TLCD4: variants seen among roughly 807,000 people sequenced by gnomAD.
The protein encoded by TLCD4 is TLC domain containing 4.
TLCD4 carries 7 observed loss-of-function variants against 24.2 expected under a neutral mutation model. The observed-to-expected ratio is 0.29, with a 90% CI of 0.16 to 0.54. The LOEUF (loss-of-function observed/expected upper bound fraction) is 0.54, where lower values mean the gene tolerates loss of function less well. Among genes scored for constraint, TLCD4 ranks in the 20% least tolerant of loss-of-function variants. The pLI, the probability that TLCD4 is intolerant of heterozygous loss-of-function variation, is 0.95. For missense variants in TLCD4, 259 were observed against 313.9 expected (o/e 0.82, Z 1.32); for synonymous variants, 103 against 106.4 (o/e 0.97, Z 0.20).
chr1:95,186,306 C>A (rs1678829052), intron 6 of TLCD4, among the ~76,000 whole-genome samples: 1 of 152,206 alleles, frequency 6.6e-6, no homozygotes, highest in Non-Finnish European at 1.5e-5. Flanking sequence ...GACTGCAGAG[C>A]ACCCTAGCTA....
rs1275149663 is a variant in TLCD4 at position 95,194,850 on chromosome 1, T to C, written c.*2982T>C. The C allele has an allele frequency of 6.6e-6, 1 of 152,160 alleles. No individual in the cohort carries two copies. Among genetic ancestry groups the C allele is most frequent in the Non-Finnish European group, 1.5e-5 (1 of 68,000 alleles). The allele number at this position is 152,160 out of a possible 1,614,324, so 9.4% of individuals were successfully genotyped here. A position where few individuals can be genotyped will look rare whatever the true frequency, so the allele number is the denominator to read the frequency against. On this transcript the variant is annotated 3_prime_UTR_variant, in exon 7 of 7. Coordinates refer to ENST00000370203, the MANE Select transcript of TLCD4 (RefSeq NM_152487.3). ...TTTTAAAGGATTATTTGCATTTATG[T>C]AAAACTGGAAATGAAGTTATATATG...
intron 1 of TLCD4, chr1:95,121,110 A>G (rs938823645): frequency 3.3e-5 from 5 of 152,228 alleles, no homozygotes; most frequent in African/African-American, 1.2e-4. Context: ...GGGACTTTCC[A>G]CCAGTTCTAC....
the TLCD4 span, among the ~76,000 whole-genome samples, chr1:95,112,222 C>G: frequency 1.1e-4 from 16 of 152,202 alleles, no homozygotes; most frequent in Admixed American, 3.9e-4. Context: ...TCAACCTTCT[C>G]CTCCTTCTGC....
intron 1 of TLCD4, among the ~76,000 whole-genome samples, chr1:95,137,253 T>C (rs1677069893): frequency 6.6e-6 from 1 of 152,088 alleles, no homozygotes; most frequent in South Asian, 2.1e-4. Context: ...TTGGAGTCAA[T>C]GTGGGAAATA....
intron 5 of TLCD4, among the ~76,000 whole-genome samples, chr1:95,166,348 T>C (rs1371811076): frequency 6.6e-6 from 1 of 152,228 alleles, no homozygotes; most frequent in African/African-American, 2.4e-5. Context: ...ATGAAATATA[T>C]TATAGTTGTG....
chr1:95,146,185 A>C (rs1440080898), intron 2 of TLCD4, among the ~76,000 whole-genome samples: 1 of 152,034 alleles, frequency 6.6e-6, no homozygotes, highest in East Asian at 1.9e-4. Context: ...AGGAGAAAAA[A>C]TCACTGGAAA....
At chr1:95,130,273 C>T (rs980658080) in intron 1 of TLCD4, among the ~76,000 whole-genome samples, 1 of 152,168 alleles carries the variant, frequency 6.6e-6, no homozygotes, top group Non-Finnish European at 1.5e-5. Context: ...CTGTCTCAGC[C>T]TTCCGAGCAG....
intron 5 of TLCD4, among the ~76,000 whole-genome samples, chr1:95,173,499 A>G (rs886506368): frequency 1.3e-5 from 2 of 152,186 alleles, no homozygotes; most frequent in African/African-American, 4.8e-5. Context: ...TGAAAATGCC[A>G]TTACTAATGG....
intron 5 of TLCD4, among the ~76,000 whole-genome samples, chr1:95,151,646 C>T (rs1677494407): frequency 6.6e-6 from 1 of 152,064 alleles, no homozygotes; most frequent in Non-Finnish European, 1.5e-5. Flanking sequence ...GATTTTGAGA[C>T]AGACAAATGA....
At chr1:95,105,424 T>C in the TLCD4 span, among the ~76,000 whole-genome samples, 4 of 152,206 alleles carry the variant, frequency 2.6e-5, no homozygotes, top group Non-Finnish European at 5.9e-5. Flanking sequence ...AGACTTAGAA[T>C]TGTACTTTGG....
chr1:95,110,546 C>A, the TLCD4 span, among the ~76,000 whole-genome samples: 3 of 151,756 alleles, frequency 2.0e-5, no homozygotes, highest in African/African-American at 7.3e-5. Context: ...GAAATAAAAC[C>A]GAAAGTATAT....
intron 3 of TLCD4, 100 bp downstream of exon 3, chr1:95,148,891 C>A: frequency 1.5e-6 from 2 of 1,378,748 alleles, no homozygotes; most frequent in South Asian, 1.5e-5. Context: ...ACATATTGAT[C>A]GTATATGCCT....
chr1:95,098,131 A>G, the TLCD4 span, among the ~76,000 whole-genome samples: 3 of 152,210 alleles, frequency 2.0e-5, no homozygotes, highest in African/African-American at 7.2e-5. Context: ...TTTAGGCCTC[A>G]TAATAGCCCT....
intron 1 of TLCD4, 61 bp from the exon 2 acceptor site, chr1:95,143,829 TA>T (rs1180466033): frequency 1.6e-5 from 21 of 1,298,906 alleles, no homozygotes; most frequent in African/African-American, 7.6e-5. Flanking sequence ...TTTCTTAAAA[TA>T]AAAAAATTAC....
At chr1:95,120,626 GC>G (rs893190473) in intron 1 of TLCD4, among the ~76,000 whole-genome samples, 2 of 152,226 alleles carry the variant, frequency 1.3e-5, no homozygotes, top group African/African-American at 4.8e-5. Context: ...CAGAGCTTGA[GC>G]CAGCACTGGA....
chr1:95,171,909 A>G (rs1678242914), intron 5 of TLCD4, among the ~76,000 whole-genome samples: 1 of 152,164 alleles, frequency 6.6e-6, no homozygotes, highest in African/African-American at 2.4e-5. Flanking sequence ...AGTTTGTATT[A>G]AAATATGGTG....
intron 2 of TLCD4, among the ~76,000 whole-genome samples, chr1:95,145,555 T>G (rs1677320823): frequency 6.6e-6 from 1 of 152,212 alleles, no homozygotes. Flanking sequence ...ATTGTTCAAA[T>G]GCATTATACT....
chr1:95,131,045 A>G (rs753216067), intron 1 of TLCD4, among the ~76,000 whole-genome samples: 1 of 152,220 alleles, frequency 6.6e-6, no homozygotes, highest in African/African-American at 2.4e-5. Flanking sequence ...TATGTCTGTT[A>G]TTATAACTGT....
chr1:95,148,974 G>C (rs532909399), intron 3 of TLCD4, among the ~76,000 whole-genome samples, 183 bp downstream of exon 3: 1 of 152,182 alleles, frequency 6.6e-6, no homozygotes. Flanking sequence ...GAACACAAAT[G>C]AAGGCCATTT....
Sources: allele counts gnomAD v4.1 joint callset (sites outside exome capture counted in the v4.1 genomes callset), GRCh38; gene constraint gnomAD v4.1.1; transcripts MANE v1.5; gene names NCBI Gene and HGNC (gene_info 2026-07-23, HGNC 2026-07-21).